MBTD1: variants seen among roughly 807,000 people sequenced by gnomAD.
The protein encoded by MBTD1 is MBT domain-containing protein 1.
In MBTD1, 24 loss-of-function variants were observed where a neutral mutation model predicts 87.8. That is an observed-to-expected ratio of 0.27 (90% CI 0.20 to 0.38). The LOEUF is 0.38. MBTD1 is among the 10% of genes least tolerant of loss of function. MBTD1 has a pLI of 1.00. For missense variants in MBTD1, 436 were observed against 760.2 expected, an observed-to-expected ratio of 0.57 and a Z score of 5.02; for synonymous variants, 237 against 248.6, an observed-to-expected ratio of 0.95 and a Z score of 0.44.
At chr17:51,216,089 C>A (rs868011074) in intron 6 of MBTD1, among the ~76,000 whole-genome samples, 9 of 151,774 alleles carry the variant, frequency 5.9e-5, no homozygotes, top group Admixed American at 5.3e-4. Context: ...CCACCATCAC[C>A]CCTGGCTAAT....
At chr17:51,193,616 T>C (rs865820442) in intron 13 of MBTD1, 106 bp from the exon 14 acceptor site, 3 of 688,984 alleles carry the variant, frequency 4.4e-6, no homozygotes, top group South Asian at 3.4e-5. Context: ...ATAGGTTATA[T>C]GATCAACTTT....
At chr17:51,232,846 T>C (rs1045667351) in intron 2 of MBTD1, among the ~76,000 whole-genome samples, 3 of 151,732 alleles carry the variant, frequency 2.0e-5, no homozygotes, top group African/African-American at 7.3e-5. Flanking sequence ...GAGACCAGCC[T>C]GAGCAACAAA....
intron 2 of MBTD1, among the ~76,000 whole-genome samples, chr17:51,257,765 C>A (rs965308479): frequency 6.6e-6 from 1 of 152,078 alleles, no homozygotes; most frequent in Non-Finnish European, 1.5e-5. Flanking sequence ...TATTATTACA[C>A]CTCTACTGAT....
At chr17:51,247,616 T>C (rs539807708) in intron 2 of MBTD1, among the ~76,000 whole-genome samples, 132 of 152,236 alleles carry the variant, frequency 8.7e-4, no homozygotes, top group Non-Finnish European at 1.6e-3. Flanking sequence ...GCTCAGCTAA[T>C]TTTTTAGTTG....
chr17:51,201,986 AAT>A, intron 11 of MBTD1, 34 bp downstream of exon 11: 1 of 1,436,528 alleles, frequency 7.0e-7, no homozygotes, highest in East Asian at 2.3e-5. Context: ...TTTCAAACCT[AAT>A]TTACAAATGA....
intron 2 of MBTD1, among the ~76,000 whole-genome samples, chr17:51,254,406 A>C (rs73334954): frequency 0.018 from 2,744 of 152,328 alleles, 96 homozygotes; most frequent in African/African-American, 0.063. Flanking sequence ...TCAATGTGCA[A>C]GCAAGAATAA....
rs60957699 is a variant in MBTD1, at chr17:51,179,484, T to TATATATATATATATATATATATTTATA, written c.*1091_*1092insTATAAATATATATATATATATATATAT. 8.5e-5 allele frequency: 3 copies of TATATATATATATATATATATATTTATA among 35,302 alleles called. No individual in the cohort carries two copies. The highest frequency in any genetic ancestry group is 1.2e-4 in the Non-Finnish European group (2 of 17,018). 2.2% of individuals were successfully genotyped at this position (35,302 alleles called of 1,614,324 possible). On this transcript the variant is annotated 3_prime_UTR_variant, in exon 17 of 17. Coordinates refer to ENST00000586178, the MANE Select transcript of MBTD1 (RefSeq NM_017643.3). ...ATCCTGAATACAATTAAAGACAATT[T>TATATATATATATATATATATATTTATA]TATATATATATATATATATATATAT...
chr17:51,249,474 T>C (rs1034605429), intron 2 of MBTD1: 1 of 152,250 alleles, frequency 6.6e-6, no homozygotes, highest in African/African-American at 2.4e-5. Context: ...TTCTTTGTTG[T>C]GAATCATGGT....
chr17:51,188,753 G>GTTTTTTTTT (rs767959315), intron 16 of MBTD1, among the ~76,000 whole-genome samples: 1 of 108,886 alleles, frequency 9.2e-6, no homozygotes, highest in Non-Finnish European at 1.8e-5. Context: ...ATTCAAATAG[G>GTTTTTTTTT]TTTTTTTTTT....
In MBTD1 at chr17:51,196,503, T is replaced by G. The variant is rs1467590255; in HGVS notation, c.1225-1142A>C. 2.6e-5 allele frequency among the ~76,000 whole-genome samples: 4 copies of G among 152,124 alleles called. 1 individual carries two copies. Among genetic ancestry groups the G allele is most frequent in the Middle Eastern group, 6.8e-3 (2 of 294 alleles). On this transcript the variant is annotated intron_variant, in intron 12 of 16. Transcript: ENST00000586178. ...CCAGGCTGCCCCCCCTTTTTAAAACTAAGACAAACTTCCCCATCTTGCCCT... is the reference window on the plus strand; with the variant it reads ...CCAGGCTGCCCCCCCTTTTTAAAACGAAGACAAACTTCCCCATCTTGCCCT...
At chr17:51,197,125 G>A (rs1474120409) in intron 12 of MBTD1, among the ~76,000 whole-genome samples, 21 of 105,706 alleles carry the variant, frequency 2.0e-4, no homozygotes, top group Non-Finnish European at 2.8e-4. Flanking sequence ...TATGGAGGAC[G>A]GAGTCTTGCT....
chr17:51,234,652 T>G (rs1044743935), intron 2 of MBTD1, among the ~76,000 whole-genome samples: 1 of 152,212 alleles, frequency 6.6e-6, no homozygotes, highest in Non-Finnish European at 1.5e-5. Context: ...ATGGCTTTAC[T>G]GGGGAATTCT....
At chr17:51,186,668 G>A (rs1175595133) in intron 16 of MBTD1, among the ~76,000 whole-genome samples, 1 of 152,066 alleles carries the variant, frequency 6.6e-6, no homozygotes, top group Non-Finnish European at 1.5e-5. Context: ...CAGCTACTCG[G>A]GAGGCTGAGG....
intron 2 of MBTD1, among the ~76,000 whole-genome samples, chr17:51,234,421 A>AAAAAAAAAAAT (rs2053715303): frequency 6.6e-6 from 1 of 150,886 alleles, no homozygotes; most frequent in African/African-American, 2.4e-5. Flanking sequence ...AAAAAAAAAA[A>AAAAAAAAAAAT]GTAACATTGC....
chr17:51,222,003 G>A (rs549299873), intron 3 of MBTD1, among the ~76,000 whole-genome samples: 1 of 152,058 alleles, frequency 6.6e-6, no homozygotes, highest in Non-Finnish European at 1.5e-5. Flanking sequence ...AAAACTAAAC[G>A]GTTTTCTGTT....
At chr17:51,203,261 G>A in intron 8 of MBTD1, 33 bp from the exon 9 acceptor site, 1 of 1,112,986 alleles carries the variant, frequency 9.0e-7, no homozygotes, top group Middle Eastern at 2.9e-4. Flanking sequence ...TTATACTTTA[G>A]CAAAAAAGAA....
At chr17:51,193,570 C>A in intron 13 of MBTD1, 60 bp from the exon 14 acceptor site, 1 of 940,998 alleles carries the variant, frequency 1.1e-6, no homozygotes. Context: ...TATTAAAATG[C>A]AGACAAAAAG....
At chr17:51,247,941 C>T (rs915884376) in intron 2 of MBTD1, among the ~76,000 whole-genome samples, 1 of 152,146 alleles carries the variant, frequency 6.6e-6, no homozygotes, top group African/African-American at 2.4e-5. Context: ...CTAATGAGGT[C>T]AATTTTATTA....
chr17:51,214,125 TATACAC>T (rs993467696), intron 6 of MBTD1, among the ~76,000 whole-genome samples: 5 of 102,312 alleles, frequency 4.9e-5, no homozygotes, highest in Middle Eastern at 6.1e-3. Context: ...ATCATATATA[TATACAC>T]ATACACATAC....
Sources: allele counts gnomAD v4.1 joint callset (sites outside exome capture counted in the v4.1 genomes callset), GRCh38; gene constraint gnomAD v4.1.1; transcripts MANE v1.5; gene names NCBI Gene and HGNC (gene_info 2026-07-23, HGNC 2026-07-21).